AMZ1: variants seen among roughly 807,000 people sequenced by gnomAD.
AMZ1 encodes archaelysin family metallopeptidase 1.
AMZ1 carries 39 observed loss-of-function variants against 29.9 expected under a neutral mutation model. That is an observed-to-expected ratio of 1.30 (90% confidence interval 1.01 to 1.70). The LOEUF (loss-of-function observed/expected upper bound fraction) is 1.70, where lower values mean the gene tolerates loss of function less well. Among genes scored for constraint, AMZ1 ranks in the 40% most tolerant of loss-of-function variants. AMZ1 has a pLI of 0.00. For synonymous variants in AMZ1, 458 were observed against 304.0 expected, an observed-to-expected ratio of 1.51 and a Z score of -5.27; for missense variants, 1,041 against 680.6, an observed-to-expected ratio of 1.53 and a Z score of -5.89.
chr7:2,722,964 G>C (rs1172693125), downstream of AMZ1, among the ~76,000 whole-genome samples: 5 of 152,092 alleles, frequency 3.3e-5, no homozygotes, highest in Admixed American at 2.6e-4. Flanking sequence ...GGGCCACAGA[G>C]CAAGACCCTA....
chr7:2,687,725 GGTTCACCTCCTCACCTGGTGGCCTC>G (rs1197319306), upstream of AMZ1, among the ~76,000 whole-genome samples: 9 of 151,706 alleles, frequency 5.9e-5, no homozygotes, highest in East Asian at 1.9e-4. Flanking sequence ...TGATAAGCCT[GGTTCACCTCCTCACCTGGTGGCCTC>G]GTTCACCCCC....
intron 4 of AMZ1, among the ~76,000 whole-genome samples, chr7:2,743,825 AAC>A (rs1450386545): frequency 6.6e-6 from 1 of 152,064 alleles, no homozygotes; most frequent in East Asian, 1.9e-4. Context: ...CTCCCACCCT[AAC>A]ACTGCACTTT....
intron 3 of AMZ1, among the ~76,000 whole-genome samples, chr7:2,706,563 C>G (rs1417099399): frequency 1.3e-5 from 2 of 152,228 alleles, no homozygotes. Flanking sequence ...CTGCCTCCAG[C>G]TTCTGGAAGT....
intron 4 of AMZ1, among the ~76,000 whole-genome samples, chr7:2,744,912 G>A (rs1321121040): frequency 6.6e-6 from 1 of 152,064 alleles, no homozygotes; most frequent in Non-Finnish European, 1.5e-5. Context: ...TGGAAGAAAG[G>A]GTATAAGTGA....
intron 1 of AMZ1, among the ~76,000 whole-genome samples, chr7:2,682,646 G>A (rs1241699352): frequency 6.6e-6 from 1 of 152,164 alleles, no homozygotes; most frequent in African/African-American, 2.4e-5. Flanking sequence ...ACTGCACCCA[G>A]GAGACCTCAG....
In AMZ1 at chr7:2,700,283, C is replaced by CA. The variant is rs1407597926; in HGVS notation, c.-168dup. 3 of 743,190 alleles carry CA rather than the reference C, an allele frequency of 4.0e-6. No individual in the cohort carries two copies. The African/African-American group carries it at 5.3e-5, about 13-fold the overall frequency. The allele number at this position is 743,190 out of a possible 1,614,324, so 46.0% of individuals were successfully genotyped here. ...ATGCCTGAGAGCGTCCAGGACCAGG[C>CA]AGAGCTGGGCCTTAAGGGCCCTTGG... On this transcript the variant is annotated 5_prime_UTR_variant, in exon 2 of 7. An upstream open reading frame in the 5' UTR gains an earlier in-frame stop. Coordinates refer to ENST00000683327, the MANE Select transcript of AMZ1 (RefSeq NM_001384743.1).
intron 4 of AMZ1, among the ~76,000 whole-genome samples, chr7:2,740,195 G>A (rs931383392): frequency 1.3e-5 from 2 of 152,156 alleles, no homozygotes; most frequent in Non-Finnish European, 2.9e-5. Context: ...ATTTCCTGGT[G>A]ATCTTTTCTA....
rs1789085612 is a variant in AMZ1, at chr7:2,715,755, G to A, written c.*2877G>A. The A allele has an allele frequency of 6.6e-6, 1 of 152,212 alleles. No homozygotes were observed. Among genetic ancestry groups the A allele is most frequent in the Non-Finnish European group, 1.5e-5 (1 of 68,052 alleles). 9.4% of individuals were successfully genotyped at this position (152,212 alleles called of 1,614,324 possible). On this transcript the variant is annotated 3_prime_UTR_variant, in exon 7 of 7. Transcript: ENST00000683327. ...TGTGCTGTGGTGAAGAGTGACTTGG[G>A]ACAGTCACCAGGAAAGACGCAAGGC... is the stretch of plus-strand genomic sequence containing the variant.
In AMZ1 at chr7:2,731,882, G is replaced by C. The variant is rs961146959; in HGVS notation, n.550+22066G>C. On this transcript the variant is annotated intron_variant and non_coding_transcript_variant, in intron 4 of 4. Transcript: ENST00000489665. The surrounding 1 kb of genome is among the most constrained non-coding windows in gnomAD (Gnocchi z 6.0). ...CAACAGGTTGAACCAGAAACCAAAA[G>C]CAAATTTCATTTATAACATTATCAA... The C allele has an allele frequency of 1.9e-6, 1 of 524,510 alleles. No individual in the cohort carries two copies. Among genetic ancestry groups the C allele is most frequent in the Non-Finnish European group, 3.3e-6 (1 of 300,988 alleles). The allele number at this position is 524,510 out of a possible 1,614,324, so 32.5% of individuals were successfully genotyped here.
In AMZ1 at chr7:2,717,276, A is replaced by C. The variant is rs1472643006; in HGVS notation, c.*4398A>C. On this transcript the variant is annotated 3_prime_UTR_variant, in exon 7 of 7. Transcript: ENST00000683327. ...GCACAGGAATATTTTTATCCCCGTGAAGACGGAGAGAATCAGGGCTTCGCG... is the reference window on the plus strand; with the variant it reads ...GCACAGGAATATTTTTATCCCCGTGCAGACGGAGAGAATCAGGGCTTCGCG... Among the ~76,000 whole-genome samples the C allele has an allele frequency of 1.3e-5, 2 of 152,242 alleles. No individual in the cohort carries two copies. The highest frequency in any genetic ancestry group is 2.9e-5 in the Non-Finnish European group (2 of 68,038).
At chr7:2,755,459 T>C (rs1274903785) in intron 4 of AMZ1, among the ~76,000 whole-genome samples, 3 of 152,212 alleles carry the variant, frequency 2.0e-5, no homozygotes, top group African/African-American at 4.8e-5. Context: ...GTCCTCTAGA[T>C]GTTGTGTTAA....
At chr7:2,684,076 G>A (rs1343392395), upstream of AMZ1, among the ~76,000 whole-genome samples, 3 of 151,976 alleles carry the variant, frequency 2.0e-5, no homozygotes, top group African/African-American at 7.2e-5. Flanking sequence ...TACTCAGGAG[G>A]CTGAAGCAGG....
At position 2,725,124 on chromosome 7, in the gene AMZ1, C is replaced by CT. The variant is rs892484665; in HGVS notation, n.550+15309dup. ...TCCTGCTGGGTTCTGCGAGCGCACCCTGTGAATGGGAAATTCAAACACTGA... is the reference window on the plus strand; with the variant it reads ...TCCTGCTGGGTTCTGCGAGCGCACCCTTGTGAATGGGAAATTCAAACACTGA... On this transcript the variant is annotated intron_variant and non_coding_transcript_variant, in intron 4 of 4. Transcript: ENST00000489665. 3.3e-5 allele frequency among the ~76,000 whole-genome samples: 5 copies of CT among 152,226 alleles called. 1 individual carries two copies. The highest frequency in any genetic ancestry group is 2.6e-4 in the Admixed American group (4 of 15,284).
At chr7:2,755,432 T>G (rs1791247817) in intron 4 of AMZ1, among the ~76,000 whole-genome samples, 1 of 152,250 alleles carries the variant, frequency 6.6e-6, no homozygotes, top group Non-Finnish European at 1.5e-5. Flanking sequence ...GAGTGTTTCG[T>G]GCTTCTTATC....
chr7:2,753,869 T>G (rs545634607), intron 4 of AMZ1, among the ~76,000 whole-genome samples: 4 of 152,304 alleles, frequency 2.6e-5, no homozygotes, highest in African/African-American at 9.6e-5. Context: ...TTAGGAACAA[T>G]CTGTTCCTTT....
chr7:2,746,420 T>C (rs1278425119), intron 4 of AMZ1, among the ~76,000 whole-genome samples: 2 of 151,996 alleles, frequency 1.3e-5, no homozygotes, highest in African/African-American at 4.8e-5. Context: ...AAATGACTAC[T>C]GGGTACATAA....
chr7:2,704,102 GA>G (rs1788212336), intron 3 of AMZ1, among the ~76,000 whole-genome samples: 1 of 152,210 alleles, frequency 6.6e-6, no homozygotes, highest in African/African-American at 2.4e-5. Flanking sequence ...TGTTAGCCAG[GA>G]TGGTCTGGAT....
At chr7:2,741,752 T>G (rs904802643) in intron 4 of AMZ1, among the ~76,000 whole-genome samples, 14 of 151,790 alleles carry the variant, frequency 9.2e-5, no homozygotes, top group Non-Finnish European at 2.9e-5. Context: ...CCCTAACAAC[T>G]TCAGAGGGTA....
upstream of AMZ1, among the ~76,000 whole-genome samples, chr7:2,685,576 C>G (rs1264986713): frequency 4.2e-5 from 6 of 144,222 alleles, no homozygotes; most frequent in South Asian, 1.3e-3. Context: ...AAAAAAAGGC[C>G]GGGTGCGGTG....
Sources: allele counts gnomAD v4.1 joint callset (sites outside exome capture counted in the v4.1 genomes callset), GRCh38; gene constraint gnomAD v4.1.1; non-coding constraint Gnocchi (gnomAD v3.1); transcripts MANE v1.5; gene names NCBI Gene and HGNC (gene_info 2026-07-23, HGNC 2026-07-21).